Variants in DLGAP2 observed in about 807,000 individuals in gnomAD.
The protein encoded by DLGAP2 is disks large-associated protein 2.
In DLGAP2, 26 loss-of-function variants were observed where a neutral mutation model predicts 100.3. That is an observed-to-expected ratio of 0.26 (90% confidence interval 0.19 to 0.36). The LOEUF (loss-of-function observed/expected upper bound fraction) is 0.36, where lower values mean the gene tolerates loss of function less well. Among genes scored for constraint, DLGAP2 ranks in the 10% least tolerant of loss-of-function variants. The pLI is 1.00. For synonymous variants in DLGAP2, 886 were observed against 630.1 expected, an observed-to-expected ratio of 1.41 and a Z score of -6.08; for missense variants, 1,858 against 1,453.2, an observed-to-expected ratio of 1.28 and a Z score of -4.53.
chr8:1,367,479 C>T (rs969528549), intron 3 of DLGAP2, among the ~76,000 whole-genome samples: 23 of 152,368 alleles, frequency 1.5e-4, no homozygotes, highest in Non-Finnish European at 2.5e-4. Context: ...AAGCCCAGCA[C>T]GTGCCTGTGG....
chr8:1,299,560 C>A lies in DLGAP2; in HGVS notation c.106+40677C>A, dbSNP rs185184548. Among the ~76,000 whole-genome samples, 21 of 152,342 alleles carry A rather than the reference C, an allele frequency of 1.4e-4. 1 individual carries two copies. In the East Asian group the frequency reaches 3.9e-3, roughly 28 times the overall value. The stretch of plus-strand genomic sequence containing the variant: ...ACTGCAACTCGGTTTTCAGAATTCA[C>A]TCGCACCTTTGGCTCAGTAACTAGC... On this transcript the variant is annotated intron_variant, in intron 3 of 14. Transcript: ENST00000637795.
intron 3 of DLGAP2, among the ~76,000 whole-genome samples, chr8:1,283,106 C>G (rs889753147): frequency 8.7e-5 from 12 of 137,420 alleles, no homozygotes; most frequent in African/African-American, 3.4e-4. Context: ...CTGAACCCAG[C>G]GCCCTGAACC....
intron 1 of DLGAP2, among the ~76,000 whole-genome samples, chr8:831,885 A>G (rs569464469): frequency 6.6e-6 from 1 of 151,406 alleles, no homozygotes; most frequent in African/African-American, 2.4e-5. Flanking sequence ...TGTTGTTTCC[A>G]GACTTTTTAA....
At chr8:1,414,297 G>A (rs767785751) in intron 3 of DLGAP2, among the ~76,000 whole-genome samples, 2 of 152,248 alleles carry the variant, frequency 1.3e-5, no homozygotes, top group Non-Finnish European at 2.9e-5. Flanking sequence ...ATTGGAGGGT[G>A]TGTTTCACAG....
intron 2 of DLGAP2, among the ~76,000 whole-genome samples, chr8:1,212,888 A>G (rs1221625866): frequency 6.6e-6 from 1 of 151,738 alleles, no homozygotes; most frequent in Admixed American, 6.6e-5. Context: ...CTTAGTTTAT[A>G]CAACTCTTCA....
rs1563051862 is a variant in DLGAP2, at chr8:1,267,569, A to AATAATAAAATAAAAT, written c.106+8687_106+8688insTAATAAAATAAAATA. 6.0e-3 allele frequency among the ~76,000 whole-genome samples: 305 copies of AATAATAAAATAAAAT among 50,764 alleles called. 24 individuals are homozygous for AATAATAAAATAAAAT. The highest frequency in any genetic ancestry group is 0.024 in the African/African-American group (265 of 10,884). The allele number at this position is 50,764 out of a possible 152,430, so 33.3% of individuals were successfully genotyped here. A position where few individuals can be genotyped will look rare whatever the true frequency, so the allele number is the denominator to read the frequency against. ...GCAAAATTCCCGCTCAAAATAAAAT[A>AATAATAAAATAAAAT]AAATAAAATAAAATAAAATAAGATA... On this transcript the variant is annotated intron_variant, in intron 3 of 14. Transcript: ENST00000637795.
chr8:1,280,383 C>A (rs185718537), intron 3 of DLGAP2, among the ~76,000 whole-genome samples: 6 of 152,136 alleles, frequency 3.9e-5, no homozygotes, highest in Admixed American at 2.6e-4. Context: ...AACCTACCTG[C>A]GTCATAATAC....
chr8:1,547,010 C>G (rs932507310), intron 4 of DLGAP2, among the ~76,000 whole-genome samples: 2 of 152,140 alleles, frequency 1.3e-5, no homozygotes, highest in African/African-American at 2.4e-5. Flanking sequence ...GGACGGCACA[C>G]AGCAAGGCCG....
intron 2 of DLGAP2, among the ~76,000 whole-genome samples, chr8:1,160,876 C>T (rs1197270555): frequency 1.3e-5 from 2 of 152,188 alleles, no homozygotes; most frequent in Admixed American, 1.3e-4. Flanking sequence ...AAATCTGAGT[C>T]TAGCAATCAG....
intron 2 of DLGAP2, among the ~76,000 whole-genome samples, chr8:1,161,929 G>C (rs1040154126): frequency 6.6e-6 from 1 of 152,254 alleles, no homozygotes; most frequent in Non-Finnish European, 1.5e-5. Context: ...GTATAGAGAG[G>C]AGATCCGTGT....
chr8:1,697,729 A>G (rs956330083), intron 14 of DLGAP2, among the ~76,000 whole-genome samples: 2 of 152,234 alleles, frequency 1.3e-5, no homozygotes, highest in African/African-American at 4.8e-5. Context: ...TCTCCTATTC[A>G]ATATACCTTC....
chr8:1,511,002 G>A lies in DLGAP2; in HGVS notation c.172+9571G>A, dbSNP rs148156828. On this transcript the variant is annotated intron_variant, in intron 4 of 14. Transcript: ENST00000637795. ...CTTCTCCAGATAAATCTGTGAGAAT[G>A]TTCCATTTTCTCAAACAGTATTTGT... 9.2e-5 allele frequency among the ~76,000 whole-genome samples: 14 copies of A among 152,378 alleles called. No homozygotes were observed. In the East Asian group the frequency reaches 2.5e-3, roughly 27 times the overall value.
At chr8:818,323 C>A (rs549317520) in intron 1 of DLGAP2, among the ~76,000 whole-genome samples, 1 of 152,262 alleles carries the variant, frequency 6.6e-6, no homozygotes, top group South Asian at 2.1e-4. Context: ...CCACGCAGCC[C>A]GCTGTCCTAA....
At chr8:989,329 C>A (rs545561992) in intron 2 of DLGAP2, among the ~76,000 whole-genome samples, 2 of 152,200 alleles carry the variant, frequency 1.3e-5, no homozygotes, top group Non-Finnish European at 2.9e-5. Context: ...CTCCCAGGGC[C>A]TGAGGGAGGG....
At chr8:913,458 T>TG (rs1200448492) in intron 2 of DLGAP2, among the ~76,000 whole-genome samples, 1 of 152,256 alleles carries the variant, frequency 6.6e-6, no homozygotes, top group African/African-American at 2.4e-5. Flanking sequence ...AGTGAGAGTT[T>TG]GGCGTGAGCG....
At chr8:1,638,118 C>T (rs1175434090) in intron 8 of DLGAP2, among the ~76,000 whole-genome samples, 1 of 152,194 alleles carries the variant, frequency 6.6e-6, no homozygotes, top group Non-Finnish European at 1.5e-5. Context: ...GTAGTACTTG[C>T]ACCTGCAGAA....
intron 2 of DLGAP2, among the ~76,000 whole-genome samples, chr8:1,021,205 T>C (rs1456323656): frequency 1.3e-5 from 2 of 152,216 alleles, no homozygotes; most frequent in Non-Finnish European, 2.9e-5. Flanking sequence ...GAAGATATTG[T>C]TACCCTTGAC....
At chr8:1,501,007 C>T (rs1022972908) in intron 3 of DLGAP2, among the ~76,000 whole-genome samples, 9 of 152,092 alleles carry the variant, frequency 5.9e-5, no homozygotes, top group Admixed American at 4.6e-4. Context: ...TGGAAGGAAC[C>T]GGGGAAAATT....
chr8:995,317 G>C, intron 2 of DLGAP2, among the ~76,000 whole-genome samples: 1 of 152,278 alleles, frequency 6.6e-6, no homozygotes, highest in South Asian at 2.1e-4. Flanking sequence ...TTTTTAAGAA[G>C]TTAAAATCCA....
Sources: gnomAD v4.1 joint callset for allele counts (sites outside exome capture counted in the v4.1 genomes callset) on GRCh38, gnomAD v4.1.1 for gene constraint, MANE v1.5 for transcripts, NCBI Gene and HGNC (gene_info 2026-07-23, HGNC 2026-07-21) for gene names.